OXR1: variants seen among roughly 807,000 people sequenced by gnomAD.
The protein encoded by OXR1 is oxidation resistance protein 1.
In OXR1, 41 loss-of-function variants were observed where a neutral mutation model predicts 104.6. The observed-to-expected ratio is 0.39, with a 90% CI of 0.31 to 0.51. The LOEUF (loss-of-function observed/expected upper bound fraction) is 0.51. Among genes scored for constraint, OXR1 ranks in the 20% least tolerant of loss-of-function variants. The pLI is 0.77. For synonymous variants in OXR1, 348 were observed against 348.4 expected (o/e 1.00, Z 0.01); for missense variants, 955 against 1,031.9 (o/e 0.93, Z 1.02).
intron 1 of OXR1, among the ~76,000 whole-genome samples, chr8:106,276,704 A>G (rs1024026970): frequency 2.7e-5 from 4 of 149,022 alleles, no homozygotes; most frequent in African/African-American, 9.9e-5. Context: ...TCAAGAACCG[A>G]TATTTAGCTC....
At chr8:106,591,459 A>G (rs918510546) in intron 3 of OXR1, among the ~76,000 whole-genome samples, 3 of 148,070 alleles carry the variant, frequency 2.0e-5, no homozygotes, top group African/African-American at 7.6e-5. Context: ...AAAAAAAAGA[A>G]CTAAGTAGGA....
At chr8:106,669,997 A>G (rs1826770047) in intron 3 of OXR1, among the ~76,000 whole-genome samples, 1 of 152,180 alleles carries the variant, frequency 6.6e-6, no homozygotes, top group Non-Finnish European at 1.5e-5. Flanking sequence ...TAGGATCTGA[A>G]TGAGGACAAA....
At chr8:106,296,399 T>G (rs1011350017) in intron 1 of OXR1, among the ~76,000 whole-genome samples, 6 of 152,188 alleles carry the variant, frequency 3.9e-5, no homozygotes, top group Non-Finnish European at 8.8e-5. Flanking sequence ...TATTGAGGGC[T>G]AAAAATAGGT....
chr8:106,698,639 T>A (rs986292704), intron 7 of OXR1, among the ~76,000 whole-genome samples: 12 of 152,164 alleles, frequency 7.9e-5, no homozygotes, highest in Non-Finnish European at 1.8e-4. Flanking sequence ...TCACCAATTT[T>A]TTTTCTGCCA....
chr8:106,282,832 G>T (rs1438744687), intron 1 of OXR1, among the ~76,000 whole-genome samples: 1 of 152,108 alleles, frequency 6.6e-6, no homozygotes, highest in Non-Finnish European at 1.5e-5. Flanking sequence ...TTGTCCAAGG[G>T]TCAACTGTAT....
chr8:106,435,285 C>A (rs1279991528), intron 2 of OXR1, among the ~76,000 whole-genome samples: 1 of 152,090 alleles, frequency 6.6e-6, no homozygotes, highest in Non-Finnish European at 1.5e-5. Flanking sequence ...TTTCCTAAAG[C>A]CGATTTCGAA....
At chr8:106,280,871 A>G (rs1812252559) in intron 1 of OXR1, among the ~76,000 whole-genome samples, 1 of 152,196 alleles carries the variant, frequency 6.6e-6, no homozygotes, top group Non-Finnish European at 1.5e-5. Context: ...AGCCTCAGAC[A>G]CAAGGGAAAT....
At chr8:106,464,269 C>T (rs1821062672) in intron 2 of OXR1, among the ~76,000 whole-genome samples, 1 of 151,574 alleles carries the variant, frequency 6.6e-6, no homozygotes, top group African/African-American at 2.4e-5. Context: ...CTCAAAACAT[C>T]TTGTGATGGA....
intron 2 of OXR1, among the ~76,000 whole-genome samples, chr8:106,387,024 TA>T (rs1400630133): frequency 6.6e-6 from 1 of 151,992 alleles, no homozygotes. Context: ...ACACCTGAAA[TA>T]AAAAACTGGA....
At chr8:106,662,990 A>G (rs1825920805) in intron 3 of OXR1, among the ~76,000 whole-genome samples, 2 of 152,122 alleles carry the variant, frequency 1.3e-5, no homozygotes, top group African/African-American at 4.8e-5. Context: ...TGCTCTTTGG[A>G]GCATTTTGGA....
intron 3 of OXR1, among the ~76,000 whole-genome samples, chr8:106,643,630 T>C (rs1205830435): frequency 6.6e-6 from 1 of 152,192 alleles, no homozygotes; most frequent in African/African-American, 2.4e-5. Flanking sequence ...TGGGACATCA[T>C]GCCACTTTAA....
At chr8:106,490,450 C>T (rs1811002688) in intron 2 of OXR1, among the ~76,000 whole-genome samples, 3 of 152,144 alleles carry the variant, frequency 2.0e-5, no homozygotes, top group Admixed American at 2.0e-4. Context: ...CCTCCGTCTC[C>T]CAGGTTCAAG....
intron 16 of OXR1, among the ~76,000 whole-genome samples, chr8:106,747,948 A>G (rs978186875): frequency 3.3e-5 from 5 of 152,204 alleles, no homozygotes; most frequent in African/African-American, 1.2e-4. Flanking sequence ...TTAATCTTTT[A>G]TTAACCCTTT....
intron 1 of OXR1, among the ~76,000 whole-genome samples, chr8:106,348,641 T>C (rs1815597945): frequency 6.6e-6 from 1 of 152,202 alleles, no homozygotes; most frequent in Non-Finnish European, 1.5e-5. Flanking sequence ...TCAAAACAGC[T>C]GGTTTTGAGA....
chr8:106,734,290 T>C (rs539369526), intron 11 of OXR1, among the ~76,000 whole-genome samples: 1 of 152,278 alleles, frequency 6.6e-6, no homozygotes, highest in Non-Finnish European at 1.5e-5. Context: ...TGATGAGATA[T>C]AGTAGAACAA....
intron 2 of OXR1, chr8:106,447,979 C>A (rs28459991): frequency 1.3e-6 from 2 of 1,535,226 alleles, no homozygotes; most frequent in Non-Finnish European, 1.7e-6. Flanking sequence ...AGATCCGCCC[C>A]GGCTCCCACA....
intron 11 of OXR1, among the ~76,000 whole-genome samples, chr8:106,718,788 A>G (rs1395614228): frequency 6.6e-6 from 1 of 151,670 alleles, no homozygotes; most frequent in African/African-American, 2.4e-5. Context: ...GCAGTGAGCC[A>G]AGATCATGCC....
At chr8:106,414,200 G>A (rs1375362284) in intron 2 of OXR1, among the ~76,000 whole-genome samples, 1 of 152,036 alleles carries the variant, frequency 6.6e-6, no homozygotes, top group Non-Finnish European at 1.5e-5. Flanking sequence ...TGGTATTAAT[G>A]CTTTCTTGGT....
chr8:106,323,428 A>G (rs1013352299), intron 1 of OXR1, among the ~76,000 whole-genome samples: 6 of 152,200 alleles, frequency 3.9e-5, no homozygotes, highest in African/African-American at 7.2e-5. Context: ...AAACTAGGCA[A>G]TACCTCGTGC....
Sources: gnomAD v4.1 joint callset for allele counts (sites outside exome capture counted in the v4.1 genomes callset) on GRCh38, gnomAD v4.1.1 for gene constraint, MANE v1.5 for transcripts, NCBI Gene and HGNC (gene_info 2026-07-23, HGNC 2026-07-21) for gene names.